PPRC1: variants seen among roughly 807,000 people sequenced by gnomAD.
PPRC1 encodes the protein PPARG related coactivator 1.
Under a neutral mutation model 132.5 loss-of-function variants are expected in PPRC1, and 23 were observed. The ratio of observed to expected loss-of-function variants is 0.17; its 90% confidence interval spans 0.12 to 0.25. The LOEUF is 0.25. PPRC1 is among the 10% of genes least tolerant of loss of function. The pLI is 1.00. For missense variants in PPRC1, 2,006 were observed against 2,089.1 expected, an observed-to-expected ratio of 0.96 and a Z score of 0.78; for synonymous variants, 872 against 833.5, an observed-to-expected ratio of 1.05 and a Z score of -0.80.
chr10:102,120,906 C>T, the PPRC1 span, among the ~76,000 whole-genome samples: 3 of 152,158 alleles, frequency 2.0e-5, no homozygotes, highest in South Asian at 6.2e-4. Context: ...CCTGTCCGTG[C>T]TCCCTGCTGA....
chr10:102,120,433 G>C, the PPRC1 span: 1 of 978,840 alleles, frequency 1.0e-6, no homozygotes, highest in African/African-American at 1.8e-5. Context: ...CCGTCGCCGA[G>C]CGCCCCCCTC....
In PPRC1 at chr10:102,141,044, C is replaced by A; in HGVS notation, c.2536C>A (p.Gln846Lys). The change falls in exon 5 of 14, where the codon CAG becomes AAG. Residue 846 changes from glutamine (Q) to lysine (K), a missense_variant. Physicochemically the swap from Gln to Lys is moderately conservative, Grantham distance 53. Around this residue, in one of 2 missense-constraint regions of PPRC1, gnomAD observed 1,914 missense variants for 1,917.2 expected, o/e 1.00. Coordinates refer to ENST00000278070, the MANE Select transcript of PPRC1 (RefSeq NM_015062.5). ...SKPVASSPTE[Q>K]VPSQEMPLLA... The stretch of plus-strand genomic sequence containing the variant: ...ACCTGTGGCCTCATCTCCCACTGAG[C>A]AGGTGCCATCCCAGGAGATGCCACT... The A allele has an allele frequency of 6.2e-7, 1 of 1,614,192 alleles. No homozygotes were observed. The highest frequency in any genetic ancestry group is 2.2e-5 in the East Asian group (1 of 44,886).
At chr10:102,146,021 C>T (rs766162575) in intron 8 of PPRC1, among the ~76,000 whole-genome samples, 25 of 152,124 alleles carry the variant, frequency 1.6e-4, no homozygotes, top group Non-Finnish European at 2.4e-4. Flanking sequence ...TCTAGGAAGA[C>T]AGAGCATCTT....
In PPRC1 at chr10:102,144,248, A is replaced by C; in HGVS notation, c.3551-2A>C. The stretch of plus-strand genomic sequence containing the variant: ...CTTTTAACTAGTATGGTTTCTTTGC[A>C]GCCAAAAAGGAGTGTCCTCCTCCGG... On this transcript the variant is annotated splice_acceptor_variant, in intron 6 of 13. Coordinates refer to ENST00000278070, the MANE Select transcript of PPRC1 (RefSeq NM_015062.5). LOFTEE classifies it high-confidence loss of function. 1 of 1,614,194 alleles carries C rather than the reference A, an allele frequency of 6.2e-7. No individual in the cohort carries two copies. Among genetic ancestry groups the C allele is most frequent in the Non-Finnish European group, 8.5e-7 (1 of 1,180,008 alleles).
At chr10:102,143,137 T>C (rs2133679861) in intron 6 of PPRC1, 39 bp downstream of exon 6, 1 of 1,584,122 alleles carries the variant, frequency 6.3e-7, no homozygotes, top group East Asian at 2.2e-5. Context: ...ACTCTTTTTT[T>C]GGTGATACTT....
the PPRC1 span, among the ~76,000 whole-genome samples, chr10:102,127,074 A>C: frequency 8.5e-6 from 1 of 117,668 alleles, no homozygotes; most frequent in Non-Finnish European, 1.8e-5. Flanking sequence ...TATATAAATT[A>C]AAAAAAAATT....
rs1018949118 is a variant in PPRC1 at position 102,148,178 on chromosome 10, G to T, written c.4401-194G>T. On this transcript the variant is annotated intron_variant, in intron 9 of 13. Transcript: ENST00000278070. This position sits in a 1 kb window ranked among gnomAD's most constrained non-coding sequence, Gnocchi z 4.2. The stretch of plus-strand genomic sequence containing the variant: ...TTCCAAAACACTTCACAACATTCCA[G>T]GTACACCTAAAGTTCCATGAAGGGC... Among the ~76,000 whole-genome samples, 1 of 152,118 alleles carries T rather than the reference G, an allele frequency of 6.6e-6. No individual in the cohort carries two copies. The highest frequency in any genetic ancestry group is 1.5e-5 in the Non-Finnish European group (1 of 68,018).
intron 4 of PPRC1, 38 bp downstream of exon 4, chr10:102,139,018 G>A: frequency 2.5e-6 from 4 of 1,603,416 alleles, no homozygotes; most frequent in Non-Finnish European, 3.4e-6. Flanking sequence ...ACTCCCAGGT[G>A]GGAGGAGGAG....
chr10:102,147,345 C>A lies in PPRC1; in HGVS notation c.4353C>A (p.Ser1451=), dbSNP rs768938715. ...SSSSSSSSSS[S]RSRSRSLSPP... is the part of the protein sequence containing the mutation. ...CATCCTCATCATCGTCTTCCTCATC[C>A]CGATCTCGGTCCAGGTCCCTCTCCC... is the stretch of plus-strand genomic sequence containing the variant. Residue 1451 remains serine, a synonymous_variant, in exon 9 of 14, where the codon TCC becomes TCA. Transcript: ENST00000278070. 6 of 1,610,804 alleles carry A rather than the reference C, an allele frequency of 3.7e-6. No individual in the cohort carries two copies. The highest frequency in any genetic ancestry group is 4.2e-6 in the Non-Finnish European group (5 of 1,179,916).
Position 102,141,225 on chromosome 10 carries a change from T to C in PPRC1, c.2717T>C (p.Met906Thr). 6.2e-7 allele frequency: 1 copy of C among 1,614,094 alleles called. No individual in the cohort carries two copies. Among genetic ancestry groups the C allele is most frequent in the South Asian group, 1.1e-5 (1 of 91,084 alleles). Residue 906 changes from methionine (M) to threonine (T), a missense_variant, in exon 5 of 14, where the codon ATG (methionine) becomes ACG (threonine). Transcript: ENST00000278070. ...PLQPPSLPLS[M>T]GPVLPDPFTH... ...CAGCCTCCTAGTCTTCCATTGTCTA[T>C]GGGGCCAGTACTACCTGATCCGTTT...
chr10:102,134,782 A>G (rs1288351926), intron 1 of PPRC1, among the ~76,000 whole-genome samples: 2 of 152,178 alleles, frequency 1.3e-5, no homozygotes, highest in Non-Finnish European at 2.9e-5. Context: ...CTTCACCTCC[A>G]TCAGGTGTCC....
the PPRC1 span, among the ~76,000 whole-genome samples, chr10:102,121,745 C>G: frequency 1.3e-5 from 2 of 152,112 alleles, no homozygotes; most frequent in African/African-American, 2.4e-5. Context: ...GGACTAGTGT[C>G]TCCTCCCTAG....
chr10:102,133,118 G>T lies in PPRC1; in HGVS notation c.50G>T (p.Gly17Val). 1 of 1,246,902 alleles carries T rather than the reference G, an allele frequency of 8.0e-7. No homozygotes were observed. 77.2% of individuals were successfully genotyped at this position (1,246,902 alleles called of 1,614,324 possible). ...GACGGAGTCGCGCCGCCCCCGAGTG[G>T]GGGCCCCGGTCCGGACCCTGGCGGG... is the stretch of plus-strand genomic sequence containing the variant. Reference protein sequence around the residue: ...RRDGVAPPPSGGPGPDPGGGA... With the variant: ...RRDGVAPPPSVGPGPDPGGGA... The change falls in exon 1 of 14, where the codon GGG (glycine) becomes GTG (valine). Residue 17 changes from glycine to valine, a missense_variant. Physicochemically the swap from Gly to Val is moderately radical, Grantham distance 109. Around this residue, in one of 2 missense-constraint regions of PPRC1, gnomAD observed 1,914 missense variants for 1,917.2 expected, o/e 1.00. Transcript: ENST00000278070.
In PPRC1 at chr10:102,148,547, T is replaced by C. The variant is rs2069368582; in HGVS notation, c.4550+26T>C. ...GTGAGCATGTGTTCAGGGAGCGCCA[T>C]GCACCTGGGATGCAGGTGCCTAAGA... On this transcript the variant is annotated intron_variant, in intron 10 of 13. Transcript: ENST00000278070. The surrounding 1 kb of genome is among the most constrained non-coding windows in gnomAD (Gnocchi z 4.2). 2 of 1,611,640 alleles carry C rather than the reference T, an allele frequency of 1.2e-6. No individual in the cohort carries two copies. The highest frequency in any genetic ancestry group is 1.7e-6 in the Non-Finnish European group (2 of 1,177,824).
Position 102,149,187 on chromosome 10 carries a change from C to T in PPRC1, c.4749C>T (p.Tyr1583=), listed in dbSNP as rs61756437. Reference sequence around the variant, plus strand: ...ACTCTCCTCCTACTAGGGACAACTACGGCTTCGTCACTTATCGCTATGCTG... The same window carrying T: ...ACTCTCCTCCTACTAGGGACAACTATGGCTTCGTCACTTATCGCTATGCTG... The part of the protein sequence containing the change: ...TIHFRVQGDN[Y]GFVTYRYAEE... The change falls in exon 13 of 14, where the codon TAC becomes TAT. Residue 1583 remains tyrosine (Y), a synonymous_variant. Coordinates refer to ENST00000278070, the MANE Select transcript of PPRC1 (RefSeq NM_015062.5). 8.5e-3 allele frequency: 13,455 copies of T among 1,589,142 alleles called. 64 individuals carry two copies. The highest frequency in any genetic ancestry group is 0.011 in the Non-Finnish European group (12,356 of 1,166,380).
chr10:102,143,023 C>T, intron 5 of PPRC1, 22 bp from the exon 6 acceptor site: 1 of 1,607,444 alleles, frequency 6.2e-7, no homozygotes, highest in Non-Finnish European at 8.5e-7. Flanking sequence ...CGTTTTCAAT[C>T]CTGTGTTGTG....
At chr10:102,143,000 G>A in intron 5 of PPRC1, 45 bp from the exon 6 acceptor site, 1 of 1,559,168 alleles carries the variant, frequency 6.4e-7, no homozygotes, top group Non-Finnish European at 8.8e-7. Flanking sequence ...TGTGTACTAA[G>A]TTGATAGGGG....
chr10:102,141,101 G>A lies in PPRC1; in HGVS notation c.2593G>A (p.Val865Met), dbSNP rs775121534. 1.2e-6 allele frequency: 2 copies of A among 1,613,982 alleles called. No individual in the cohort carries two copies. Among genetic ancestry groups the A allele is most frequent in the Non-Finnish European group, 1.7e-6 (2 of 1,180,016 alleles). ...GAGACCTTCCCCTCCTGTGCAGTCT[G>A]TGTCCCCTGCTGTGCCCACACCTCC... Reference protein sequence around the residue: ...LARPSPPVQSVSPAVPTPPSM... With the variant: ...LARPSPPVQSMSPAVPTPPSM... The change falls in exon 5 of 14, where the codon GTG (valine) becomes ATG (methionine). Residue 865 changes from valine (V) to methionine (M), a missense_variant. Coordinates refer to ENST00000278070, the MANE Select transcript of PPRC1 (RefSeq NM_015062.5).
Position 102,140,688 on chromosome 10 carries a change from A to G in PPRC1, c.2180A>G (p.Lys727Arg). The G allele has an allele frequency of 2.5e-6, 4 of 1,614,100 alleles. No individual in the cohort carries two copies. Among genetic ancestry groups the G allele is most frequent in the Non-Finnish European group, 3.4e-6 (4 of 1,180,022 alleles). Reference protein sequence around the residue: ...DPPKTIIPEVKEVVDSLKIES... With the variant: ...DPPKTIIPEVREVVDSLKIES... Reference sequence around the variant, plus strand: ...CCAAAGACCATCATCCCTGAAGTCAAAGAGGTTGTGGATTCTCTGAAAATT... The same window carrying G: ...CCAAAGACCATCATCCCTGAAGTCAGAGAGGTTGTGGATTCTCTGAAAATT... The change falls in exon 5 of 14, where the codon AAA becomes AGA. Residue 727 changes from lysine (K) to arginine (R), a missense_variant. Transcript: ENST00000278070.
Sources: allele counts gnomAD v4.1 joint callset (sites outside exome capture counted in the v4.1 genomes callset), GRCh38; gene constraint gnomAD v4.1.1; regional missense constraint gnomAD v4.1.1; non-coding constraint Gnocchi (gnomAD v3.1); transcripts MANE v1.5; gene names NCBI Gene and HGNC (gene_info 2026-07-23, HGNC 2026-07-21).